Variants in MCOLN3 observed in about 807,000 individuals in gnomAD.
MCOLN3 encodes mucolipin TRP cation channel 3.
A neutral mutation model predicts 69.4 loss-of-function variants in MCOLN3; 62 were observed. The ratio of observed to expected loss-of-function variants is 0.89; its 90% CI spans 0.73 to 1.10. MCOLN3 has a LOEUF of 1.10. MCOLN3 is among the 50% of genes least tolerant of loss of function. The probability of loss-of-function intolerance (pLI) is 0.00; values close to 1 mark genes in which losing one functional copy is unlikely to be tolerated. For synonymous variants in MCOLN3, 183 were observed against 217.0 expected, an observed-to-expected ratio of 0.84 and a Z score of 1.38; for missense variants, 564 against 656.4, an observed-to-expected ratio of 0.86 and a Z score of 1.54.
chr1:85,043,445 G>A (rs1015006840), intron 2 of MCOLN3, among the ~76,000 whole-genome samples: 1 of 151,732 alleles, frequency 6.6e-6, no homozygotes, highest in African/African-American at 2.4e-5. Context: ...CAGGAGAATC[G>A]CTTGAACCCG....
intron 7 of MCOLN3, among the ~76,000 whole-genome samples, chr1:85,028,275 A>G (rs1160810837): frequency 6.6e-6 from 1 of 152,220 alleles, no homozygotes; most frequent in African/African-American, 2.4e-5. Context: ...TGGCAAATCA[A>G]TTAGTAAGAA....
chr1:85,033,130 T>A (rs1221341712), intron 4 of MCOLN3, among the ~76,000 whole-genome samples, 174 bp from the exon 5 acceptor site: 1 of 152,214 alleles, frequency 6.6e-6, no homozygotes, highest in Non-Finnish European at 1.5e-5. Flanking sequence ...TTACCGTGAC[T>A]CATGTGTTTT....
intron 3 of MCOLN3, among the ~76,000 whole-genome samples, chr1:85,039,160 T>G (rs1257579105): frequency 6.6e-6 from 1 of 152,196 alleles, no homozygotes; most frequent in Non-Finnish European, 1.5e-5. Flanking sequence ...CAGCTAAAAG[T>G]ACCTACTGGT....
Position 85,022,127 on chromosome 1 carries a change from C to A in MCOLN3, c.1263G>T (p.Met421Ile). Residue 421 changes from methionine (M) to isoleucine (I), a missense_variant, in exon 11 of 13, where the codon ATG (methionine) becomes ATT (isoleucine). Met to Ile is a conservative substitution (Grantham distance 10). Coordinates refer to ENST00000370589, the MANE Select transcript of MCOLN3 (RefSeq NM_018298.11). ...NVIRFCCCAA[M>I]IYLGYCFCGW... ...CACAGAAGCAGTAACCTAAGTAAAT[C>A]ATAGCTGCACAGCAGCAGAACCTGA... 1 of 1,614,162 alleles carries A rather than the reference C, an allele frequency of 6.2e-7. No homozygotes were observed.
chr1:85,034,398 C>T lies in MCOLN3; in HGVS notation c.397-147G>A. Reference sequence around the variant, plus strand: ...GATAAACAGGGTAAGTGACTTGCTGCTGTGCACTAGGAAGGCAAAGGGCAC... The same window carrying T: ...GATAAACAGGGTAAGTGACTTGCTGTTGTGCACTAGGAAGGCAAAGGGCAC... On this transcript the variant is annotated intron_variant, in intron 3 of 12. Transcript: ENST00000370589. The T allele has an allele frequency of 6.9e-6, 5 of 725,340 alleles. No individual in the cohort carries two copies. In the East Asian group the frequency reaches 1.4e-4, roughly 20 times the overall value. The allele number at this position is 725,340 out of a possible 1,614,324, so 44.9% of individuals were successfully genotyped here. A position where few individuals can be genotyped will look rare whatever the true frequency, so the allele number is the denominator to read the frequency against.
At chr1:85,044,032 G>A (rs1394504397) in intron 2 of MCOLN3, among the ~76,000 whole-genome samples, 4 of 152,020 alleles carry the variant, frequency 2.6e-5, no homozygotes, top group Non-Finnish European at 5.9e-5. Flanking sequence ...GGAATTACAG[G>A]CATGAGCCAC....
At position 85,022,284 on chromosome 1, in the gene MCOLN3, C is replaced by T. The variant is rs369064649; in HGVS notation, c.1197+15G>A. 964 of 1,613,494 alleles carry T rather than the reference C, an allele frequency of 6.0e-4. 1 individual carries two copies. Among genetic ancestry groups the T allele is most frequent in the Non-Finnish European group, 7.8e-4 (921 of 1,179,520 alleles). ...GAGAAATACCAACAGCATGGAGATCCGTGGAATTCCTTACGTTGTACTTTG... is the reference window on the plus strand; with the variant it reads ...GAGAAATACCAACAGCATGGAGATCTGTGGAATTCCTTACGTTGTACTTTG... On this transcript the variant is annotated intron_variant, in intron 10 of 12. Coordinates refer to ENST00000370589, the MANE Select transcript of MCOLN3 (RefSeq NM_018298.11).
intron 1 of MCOLN3, chr1:85,047,195 C>A (rs1301195359): frequency 6.6e-6 from 1 of 152,262 alleles, no homozygotes; most frequent in Non-Finnish European, 1.5e-5. Flanking sequence ...ACTAGCCACA[C>A]ACCATGTACA....
chr1:85,036,529 A>C (rs1477900276), intron 3 of MCOLN3, among the ~76,000 whole-genome samples: 1 of 152,152 alleles, frequency 6.6e-6, no homozygotes, highest in East Asian at 1.9e-4. Context: ...AATACATGTT[A>C]GATTTTGCTT....
intron 3 of MCOLN3, chr1:85,036,616 C>T (rs1652815321): frequency 6.6e-6 from 1 of 152,150 alleles, no homozygotes; most frequent in Admixed American, 6.6e-5. Context: ...ACATTCAAGG[C>T]TCCTTTCCAT....
At chr1:85,022,496 G>A (rs1309162862) in intron 9 of MCOLN3, 96 bp from the exon 10 acceptor site, 10 of 788,734 alleles carry the variant, frequency 1.3e-5, no homozygotes, top group African/African-American at 1.2e-4. Flanking sequence ...TGTTTTAGGT[G>A]CTAAGGATAA....
intron 4 of MCOLN3, 28 bp from the exon 5 acceptor site, chr1:85,032,984 T>C (rs776104887): frequency 1.3e-6 from 2 of 1,585,798 alleles, no homozygotes; most frequent in African/African-American, 1.3e-5. Flanking sequence ...AAAAACATGA[T>C]ACAGTACTTA....
At position 85,045,193 on chromosome 1, in the gene MCOLN3, T is replaced by G. The variant is rs781531539; in HGVS notation, c.168A>C (p.Arg56=). 2 of 1,613,984 alleles carry G rather than the reference T, an allele frequency of 1.2e-6. No individual in the cohort carries two copies. The highest frequency in any genetic ancestry group is 1.1e-5 in the South Asian group (1 of 91,078). ...TGGCAAGTTTCCATGGTTTTCTACC[T>G]CGAGCCCAGAACTTCTCACAGGGAT... The part of the protein sequence containing the change: ...FMNPCEKFWA[R]GRKPWKLAIQ... The change falls in exon 2 of 13, where the codon CGA becomes CGC. Residue 56 remains arginine, a synonymous_variant. Coordinates refer to ENST00000370589, the MANE Select transcript of MCOLN3 (RefSeq NM_018298.11).
At chr1:85,024,362 A>G (rs1479652712) in intron 9 of MCOLN3, among the ~76,000 whole-genome samples, 1 of 152,168 alleles carries the variant, frequency 6.6e-6, no homozygotes, top group Non-Finnish European at 1.5e-5. Context: ...TCCCCAAGAG[A>G]AGGAAAACTA....
At chr1:85,025,494 A>G (rs1370575062) in intron 9 of MCOLN3, 4 of 153,026 alleles carry the variant, frequency 2.6e-5, no homozygotes, top group Non-Finnish European at 5.8e-5. Flanking sequence ...GACGGAGGAA[A>G]CAAATGCAAG....
chr1:85,028,471 A>G (rs1047767571), intron 7 of MCOLN3, among the ~76,000 whole-genome samples: 15 of 152,230 alleles, frequency 9.9e-5, no homozygotes, highest in Admixed American at 9.8e-4. Context: ...GTCCAGTACG[A>G]TGTACCATTA....
rs115887550 is a variant in MCOLN3 at position 85,038,517 on chromosome 1, T to C, written c.396+2493A>G. On this transcript the variant is annotated intron_variant, in intron 3 of 12. Transcript: ENST00000370589. ...GGATCAGAATGAGCCCTGGAGATTA[T>C]CCAGTAGGATGACATCTTGGGGCTA... Among the ~76,000 whole-genome samples, 1,323 of 152,256 alleles carry C rather than the reference T, an allele frequency of 8.7e-3. 21 individuals carry two copies. Among genetic ancestry groups the C allele is most frequent in the African/African-American group, 0.03 (1,257 of 41,546 alleles).
At chr1:85,038,964 C>T (rs1652931434) in intron 3 of MCOLN3, among the ~76,000 whole-genome samples, 1 of 152,032 alleles carries the variant, frequency 6.6e-6, no homozygotes, top group African/African-American at 2.4e-5. Flanking sequence ...CACTGCACTT[C>T]AGCCTGGGTG....
At chr1:85,031,770 T>A (rs988477754) in intron 6 of MCOLN3, among the ~76,000 whole-genome samples, 1 of 152,026 alleles carries the variant, frequency 6.6e-6, no homozygotes, top group African/African-American at 2.4e-5. Flanking sequence ...AAAAGATAAT[T>A]GACTGTTTAA....
Sources: allele counts gnomAD v4.1 joint callset (sites outside exome capture counted in the v4.1 genomes callset), GRCh38; gene constraint gnomAD v4.1.1; transcripts MANE v1.5; gene names NCBI Gene and HGNC (gene_info 2026-07-23, HGNC 2026-07-21).